Variants in GRID1 observed in about 807,000 individuals in gnomAD.
GRID1 encodes the protein glutamate receptor ionotropic, delta-1.
In GRID1, 28 loss-of-function variants were observed where a neutral mutation model predicts 98.0. That is an observed-to-expected ratio of 0.29 (90% CI 0.21 to 0.39). GRID1 has a LOEUF of 0.39. GRID1 is among the 10% of genes least tolerant of loss of function. The pLI is 1.00. For missense variants in GRID1, 1,111 were observed against 1,340.5 expected, an observed-to-expected ratio of 0.83 and a Z score of 2.67; for synonymous variants, 553 against 538.5, an observed-to-expected ratio of 1.03 and a Z score of -0.37.
rs1248677170 is a variant in GRID1 at position 86,366,702 on chromosome 10, G to T, written c.-310C>A. 1.3e-5 allele frequency among the ~76,000 whole-genome samples: 2 copies of T among 149,760 alleles called. No homozygotes were observed. The highest frequency in any genetic ancestry group is 2.4e-5 in the African/African-American group (1 of 41,184). Reference sequence around the variant, plus strand: ...AGCGGCGCTTCCCGCGGCTAGAGCGGCTTCGGGGGAGGCTGAGGCGGTGGC... The same window carrying T: ...AGCGGCGCTTCCCGCGGCTAGAGCGTCTTCGGGGGAGGCTGAGGCGGTGGC... On this transcript the variant is annotated 5_prime_UTR_variant, in exon 1 of 16. Coordinates refer to ENST00000327946, the MANE Select transcript of GRID1 (RefSeq NM_017551.3). This position sits in a 1 kb window ranked among gnomAD's most constrained non-coding sequence, Gnocchi z 4.1.
intron 4 of GRID1, among the ~76,000 whole-genome samples, chr10:86,114,261 C>G (rs1470062738): frequency 6.6e-6 from 1 of 152,048 alleles, no homozygotes; most frequent in African/African-American, 2.4e-5. Context: ...CATGGGGCCA[C>G]CATGTGGAGG....
intron 4 of GRID1, among the ~76,000 whole-genome samples, chr10:85,992,582 G>C (rs894593696): frequency 2.0e-5 from 3 of 151,802 alleles, no homozygotes; most frequent in Non-Finnish European, 2.9e-5. Flanking sequence ...TGATAACAGA[G>C]GGGACAGAGC....
chr10:86,211,623 G>A (rs1589412636), intron 2 of GRID1, among the ~76,000 whole-genome samples: 2 of 152,086 alleles, frequency 1.3e-5, no homozygotes, highest in East Asian at 3.9e-4. Flanking sequence ...TCAGGGGTGG[G>A]ACATGTCAGG....
chr10:86,226,996 AT>A (rs1168784771), intron 2 of GRID1, among the ~76,000 whole-genome samples: 4 of 152,092 alleles, frequency 2.6e-5, no homozygotes, highest in Non-Finnish European at 4.4e-5. Context: ...CCTTCACTAC[AT>A]TATCAAGCAT....
At chr10:85,661,621 A>C (rs2132570587) in intron 12 of GRID1, among the ~76,000 whole-genome samples, 1 of 152,308 alleles carries the variant, frequency 6.6e-6, no homozygotes, top group South Asian at 2.1e-4. Flanking sequence ...CTTGTCCCCA[A>C]GTCACACCAA....
chr10:85,844,867 G>A (rs1195532025), intron 8 of GRID1, among the ~76,000 whole-genome samples: 2 of 151,906 alleles, frequency 1.3e-5, no homozygotes, highest in African/African-American at 2.4e-5. Flanking sequence ...CTTGATAGAT[G>A]CAAAATAGCC....
intron 2 of GRID1, among the ~76,000 whole-genome samples, chr10:86,221,867 G>C (rs7092283): frequency 0.091 from 13,673 of 150,108 alleles, 781 homozygotes; most frequent in African/African-American, 0.14. Context: ...CAGAGGGCTG[G>C]AGGTGGAAGC....
chr10:86,144,738 T>C (rs1845060796), intron 3 of GRID1, among the ~76,000 whole-genome samples: 1 of 152,100 alleles, frequency 6.6e-6, no homozygotes, highest in African/African-American at 2.4e-5. Flanking sequence ...TTCTCCTCCT[T>C]CACACGCTCC....
At chr10:86,135,865 C>T (rs1731918300) in intron 4 of GRID1, among the ~76,000 whole-genome samples, 1 of 152,260 alleles carries the variant, frequency 6.6e-6, no homozygotes, top group Non-Finnish European at 1.5e-5. Flanking sequence ...CTCACTCACT[C>T]CCATTTGGCT....
intron 12 of GRID1, among the ~76,000 whole-genome samples, chr10:85,649,288 A>G (rs772803193): frequency 9.2e-5 from 14 of 152,210 alleles, no homozygotes; most frequent in Non-Finnish European, 1.8e-4. Flanking sequence ...GGTCCCTGCT[A>G]TGTGGCCCAG....
intron 2 of GRID1, among the ~76,000 whole-genome samples, chr10:86,214,252 C>A (rs375608272): frequency 1.3e-5 from 2 of 152,230 alleles, no homozygotes; most frequent in African/African-American, 4.8e-5. Context: ...AGGTAGCAGG[C>A]CTTTGTGCAG....
chr10:85,873,826 C>G (rs1213360327), intron 5 of GRID1, among the ~76,000 whole-genome samples: 1 of 152,180 alleles, frequency 6.6e-6, no homozygotes, highest in Non-Finnish European at 1.5e-5. Context: ...CAGTCCTGTC[C>G]CACTTCAACA....
intron 2 of GRID1, among the ~76,000 whole-genome samples, chr10:86,342,078 C>T (rs907576413): frequency 1.3e-5 from 2 of 152,238 alleles, no homozygotes. Flanking sequence ...TGTGACCTTC[C>T]GGGCCTCATC....
intron 6 of GRID1, among the ~76,000 whole-genome samples, chr10:85,864,976 G>A (rs567813518): frequency 5.3e-5 from 8 of 152,256 alleles, no homozygotes; most frequent in African/African-American, 1.2e-4. Flanking sequence ...GTGACAATAC[G>A]CCTCTTACTT....
At chr10:85,722,109 A>G (rs1841709962) in intron 12 of GRID1, among the ~76,000 whole-genome samples, 1 of 152,194 alleles carries the variant, frequency 6.6e-6, no homozygotes, top group Non-Finnish European at 1.5e-5. Flanking sequence ...CTAGGCAAGG[A>G]GTTTAAACTC....
At chr10:86,331,372 C>T (rs1444734415) in intron 2 of GRID1, among the ~76,000 whole-genome samples, 1 of 152,156 alleles carries the variant, frequency 6.6e-6, no homozygotes, top group Non-Finnish European at 1.5e-5. Flanking sequence ...CCCAACTACC[C>T]AGGGAGGCCA....
intron 4 of GRID1, among the ~76,000 whole-genome samples, chr10:86,023,795 C>G (rs991288150): frequency 6.6e-6 from 1 of 152,156 alleles, no homozygotes; most frequent in Non-Finnish European, 1.5e-5. Context: ...TCCTACCTCT[C>G]TAAGTTCAAT....
intron 12 of GRID1, among the ~76,000 whole-genome samples, chr10:85,648,378 A>C (rs749233416): frequency 6.8e-4 from 103 of 152,174 alleles, no homozygotes; most frequent in Non-Finnish European, 1.3e-3. Context: ...TGTACCAAAC[A>C]GAATTGCAAA....
intron 5 of GRID1, among the ~76,000 whole-genome samples, chr10:85,876,028 G>A (rs1046640339): frequency 7.9e-5 from 12 of 152,124 alleles, no homozygotes; most frequent in African/African-American, 2.4e-4. Flanking sequence ...TCTCACTCTT[G>A]AAAGATATAA....
Sources: gnomAD v4.1 joint callset for allele counts (sites outside exome capture counted in the v4.1 genomes callset) on GRCh38, gnomAD v4.1.1 for gene constraint, Gnocchi (gnomAD v3.1) non-coding constraint, MANE v1.5 for transcripts, NCBI Gene and HGNC (gene_info 2026-07-23, HGNC 2026-07-21) for gene names.